Variants in MAVS observed in about 807,000 individuals in gnomAD.
The protein encoded by MAVS is mitochondrial antiviral-signaling protein.
A neutral mutation model predicts 30.2 loss-of-function variants in MAVS; 20 were observed. The ratio of observed to expected loss-of-function variants is 0.66; its 90% confidence interval spans 0.47 to 0.96. The LOEUF is 0.96. Ranked by LOEUF, MAVS falls within the 40% of genes least tolerant of loss-of-function variation. MAVS has a pLI of 0.00. For missense variants in MAVS, 624 were observed against 701.1 expected (o/e 0.89, Z 1.24); for synonymous variants, 278 against 293.9 (o/e 0.95, Z 0.55).
Position 3,864,298 on chromosome 20 carries a change from C to T in MAVS, c.668C>T (p.Pro223Leu). The T allele has an allele frequency of 6.2e-7, 1 of 1,613,466 alleles. No homozygotes were observed. Among genetic ancestry groups the T allele is most frequent in the Non-Finnish European group, 8.5e-7 (1 of 1,179,702 alleles). The change falls in exon 6 of 7, where the codon CCA (proline) becomes CTA (leucine). Residue 223 changes from proline to leucine, a missense_variant. Transcript: ENST00000428216. ...SLTPSRGPVS[P>L]SVSFQPLARS... ...ACACCATCCCGTGGGCCTGTGTCTC[C>T]ATCTGTCTCCTTCCAGCCCCTGGCC...
chr20:3,857,915 T>C (rs1476143420), intron 3 of MAVS, 106 bp downstream of exon 3: 1 of 1,282,372 alleles, frequency 7.8e-7, no homozygotes, highest in African/African-American at 1.5e-5. Context: ...ATCCTCTTTC[T>C]TGTCACTGTG....
At chr20:3,861,573 C>T in intron 4 of MAVS, 69 bp downstream of exon 4, 1 of 1,519,106 alleles carries the variant, frequency 6.6e-7, no homozygotes, top group Non-Finnish European at 9.0e-7. Context: ...GCCCATTGAG[C>T]CTTCCAGAAA....
chr20:3,851,049 G>A (rs1481192391), intron 1 of MAVS, among the ~76,000 whole-genome samples: 1 of 151,872 alleles, frequency 6.6e-6, no homozygotes, highest in Non-Finnish European at 1.5e-5. Flanking sequence ...GGCCAGGCGC[G>A]TTGGCTGGCG....
At position 3,866,476 on chromosome 20, in the gene MAVS, G is replaced by T; in HGVS notation, c.*329G>T. On this transcript the variant is annotated 3_prime_UTR_variant, in exon 7 of 7. Coordinates refer to ENST00000428216, the MANE Select transcript of MAVS (RefSeq NM_020746.5). The stretch of plus-strand genomic sequence containing the variant: ...CCTCCTCCAGGCCTCAGCCCTGTTG[G>T]CCCAGGTGGAGCAGGAGGGACCACT... 1 of 408,690 alleles carries T rather than the reference G, an allele frequency of 2.4e-6. No homozygotes were observed. The highest frequency in any genetic ancestry group is 4.5e-6 in the Non-Finnish European group (1 of 223,764). The allele number at this position is 408,690 out of a possible 1,614,324, so 25.3% of individuals were successfully genotyped here. A position where few individuals can be genotyped will look rare whatever the true frequency, so the allele number is the denominator to read the frequency against.
intron 1 of MAVS, among the ~76,000 whole-genome samples, chr20:3,847,419 G>C: frequency 6.6e-6 from 1 of 152,242 alleles, no homozygotes; most frequent in South Asian, 2.1e-4. Flanking sequence ...TTTGGGAAGG[G>C]TGGGTGTTTA....
chr20:3,848,825 A>T (rs552181465), intron 1 of MAVS, among the ~76,000 whole-genome samples: 1 of 152,110 alleles, frequency 6.6e-6, no homozygotes, highest in African/African-American at 2.4e-5. Context: ...TGGCCTGGTA[A>T]AAGGGCACCT....
intron 1 of MAVS, among the ~76,000 whole-genome samples, chr20:3,848,368 G>A (rs992331696): frequency 2.6e-5 from 4 of 152,156 alleles, no homozygotes; most frequent in African/African-American, 9.7e-5. Context: ...CAAAGTGCTG[G>A]GATTCCAGGC....
rs749395267 is a variant in MAVS at position 3,864,750 on chromosome 20, G to A, written c.1120G>A (p.Ala374Thr). The stretch of plus-strand genomic sequence containing the variant: ...TAGCATGGTGCTCACCAAGGTGTCT[G>A]CCAGCACAGTCCCCACTGACGGGAG... ...PTSMVLTKVS[A>T]STVPTDGSSR... The change falls in exon 6 of 7, where the codon GCC (alanine) becomes ACC (threonine). Residue 374 changes from alanine to threonine, a missense_variant. Transcript: ENST00000428216. 1.2e-6 allele frequency: 2 copies of A among 1,614,180 alleles called. No individual in the cohort carries two copies. Among genetic ancestry groups the A allele is most frequent in the Non-Finnish European group, 8.5e-7 (1 of 1,180,050 alleles).
At chr20:3,860,576 T>C (rs1402278031) in intron 3 of MAVS, among the ~76,000 whole-genome samples, 2 of 151,598 alleles carry the variant, frequency 1.3e-5, no homozygotes. Context: ...GGTTTCTCCA[T>C]GTTGGTCAGG....
chr20:3,854,302 T>C (rs1414611442), intron 1 of MAVS, among the ~76,000 whole-genome samples: 1 of 150,510 alleles, frequency 6.6e-6, no homozygotes, highest in Non-Finnish European at 1.5e-5. Context: ...GCACCTGTAA[T>C]CCCAGCTACT....
In MAVS at chr20:3,866,183, C is replaced by T. The variant is rs767102847; in HGVS notation, c.*36C>T. 23 of 1,527,372 alleles carry T rather than the reference C, an allele frequency of 1.5e-5. No homozygotes were observed. Among genetic ancestry groups the T allele is most frequent in the South Asian group, 9.8e-5 (8 of 81,296 alleles). 94.6% of individuals were successfully genotyped at this position (1,527,372 alleles called of 1,614,324 possible). ...GGCTCTTCCCACCACCCATCTGTTCCGTTCCTGCAGTACACCTGGCCCCTC... is the reference window on the plus strand; with the variant it reads ...GGCTCTTCCCACCACCCATCTGTTCTGTTCCTGCAGTACACCTGGCCCCTC... On this transcript the variant is annotated 3_prime_UTR_variant, in exon 7 of 7. Transcript: ENST00000428216.
At chr20:3,860,277 G>A (rs543866535) in intron 3 of MAVS, among the ~76,000 whole-genome samples, 1 of 152,000 alleles carries the variant, frequency 6.6e-6, no homozygotes, top group Non-Finnish European at 1.5e-5. Context: ...GCCCAGGCTG[G>A]AGTGCAGTGG....
chr20:3,859,413 C>A (rs1422009003), intron 3 of MAVS, among the ~76,000 whole-genome samples: 1 of 151,466 alleles, frequency 6.6e-6, no homozygotes, highest in Non-Finnish European at 1.5e-5. Flanking sequence ...GAGGCTGAGG[C>A]AGGAGAATTG....
chr20:3,859,369 A>G (rs917547565), intron 3 of MAVS, among the ~76,000 whole-genome samples: 9 of 151,966 alleles, frequency 5.9e-5, no homozygotes, highest in Non-Finnish European at 1.0e-4. Context: ...TTAGCTGCGC[A>G]TGGTGGTGCA....
intron 1 of MAVS, among the ~76,000 whole-genome samples, chr20:3,853,224 C>A (rs181936470): frequency 1.1e-4 from 17 of 149,878 alleles, no homozygotes; most frequent in Non-Finnish European, 2.1e-4. Flanking sequence ...CGGTGGCTCA[C>A]GCCTGTAATC....
chr20:3,874,751 C>T lies in MAVS; in HGVS notation c.*8604C>T, dbSNP rs6037680. On this transcript the variant is annotated 3_prime_UTR_variant, in exon 7 of 7. Transcript: ENST00000428216. ...GGCTTCCTTGGCTTCCCAGGCTGGT[C>T]ATGGGTTTCTGGCCAGAGTCTATTG... The T allele has an allele frequency of 0.9, 137,305 of 153,066 alleles. 61,867 individuals are homozygous for T. Among genetic ancestry groups the T allele is most frequent in the African/African-American group, 0.98 (40,667 of 41,582 alleles). 9.5% of individuals were successfully genotyped at this position (153,066 alleles called of 1,614,324 possible). A position where few individuals can be genotyped will look rare whatever the true frequency, so the allele number is the denominator to read the frequency against.
In MAVS at chr20:3,871,817, G is replaced by A. The variant is rs1447275516; in HGVS notation, c.*5670G>A. The A allele has an allele frequency of 2.0e-5, 3 of 152,208 alleles. No homozygotes were observed. In the East Asian group the frequency reaches 5.6e-4, roughly 29 times the overall value. The allele number at this position is 152,208 out of a possible 1,614,324, so 9.4% of individuals were successfully genotyped here. On this transcript the variant is annotated 3_prime_UTR_variant, in exon 7 of 7. Coordinates refer to ENST00000428216, the MANE Select transcript of MAVS (RefSeq NM_020746.5). ...GCCCAAGGCTATGAAGGCCTCATTC[G>A]GTGCTGGGCATGGTCACTCCTAGCA...
chr20:3,862,170 T>C, intron 4 of MAVS, 84 bp from the exon 5 acceptor site: 3 of 1,507,064 alleles, frequency 2.0e-6, no homozygotes, highest in Non-Finnish European at 2.7e-6. Flanking sequence ...CTGAGGCCTA[T>C]AGGAGATGCC....
At chr20:3,854,245 AC>A (rs2089789444) in intron 1 of MAVS, among the ~76,000 whole-genome samples, 1 of 150,888 alleles carries the variant, frequency 6.6e-6, no homozygotes, top group African/African-American at 2.4e-5. Flanking sequence ...ACATGGTGAA[AC>A]CCCATCTCTA....
Sources: allele counts gnomAD v4.1 joint callset (sites outside exome capture counted in the v4.1 genomes callset), GRCh38; gene constraint gnomAD v4.1.1; transcripts MANE v1.5; gene names NCBI Gene and HGNC (gene_info 2026-07-23, HGNC 2026-07-21).